Variants in NDUFAF7 observed in about 807,000 individuals in gnomAD.
NDUFAF7 encodes NADH:ubiquinone oxidoreductase complex assembly factor 7.
A neutral mutation model predicts 47.2 loss-of-function variants in NDUFAF7; 48 were observed. The observed-to-expected ratio is 1.02, with a 90% CI of 0.81 to 1.29. The LOEUF is 1.29. Among genes scored for constraint, NDUFAF7 ranks in the 50% most tolerant of loss-of-function variants. The pLI is 0.00. For missense variants in NDUFAF7, 635 were observed against 537.6 expected, an observed-to-expected ratio of 1.18 and a Z score of -1.79; for synonymous variants, 217 against 190.0, an observed-to-expected ratio of 1.14 and a Z score of -1.17.
the NDUFAF7 span, chr2:37,269,781 T>C: frequency 1.2e-6 from 1 of 863,144 alleles, no homozygotes; most frequent in Non-Finnish European, 1.8e-6. Flanking sequence ...CAATACATTT[T>C]TATGTTAGAA....
rs1382401889 is a variant in NDUFAF7, at chr2:37,237,639, T to C, written c.298-118T>C. The C allele has an allele frequency of 2.1e-5, 15 of 726,482 alleles. No individual in the cohort carries two copies. In the East Asian group the frequency reaches 3.8e-4, roughly 18 times the overall value. 45.0% of individuals were successfully genotyped at this position (726,482 alleles called of 1,614,324 possible). A position where few individuals can be genotyped will look rare whatever the true frequency, so the allele number is the denominator to read the frequency against. The stretch of plus-strand genomic sequence containing the variant: ...ACGTATGTATTGAACAACATACATA[T>C]GGCTGTACACATTTTGCTTTTTGGC... On this transcript the variant is annotated intron_variant, in intron 3 of 9. Coordinates refer to ENST00000002125, the MANE Select transcript of NDUFAF7 (RefSeq NM_144736.5).
chr2:37,256,468 T>C (rs930762002), downstream of NDUFAF7, among the ~76,000 whole-genome samples: 2 of 152,088 alleles, frequency 1.3e-5, no homozygotes, highest in South Asian at 2.1e-4. Flanking sequence ...CTGGGAACTA[T>C]ACAGAAGACA....
At chr2:37,237,580 G>A (rs1665927132) in intron 3 of NDUFAF7, among the ~76,000 whole-genome samples, 177 bp from the exon 4 acceptor site, 1 of 152,142 alleles carries the variant, frequency 6.6e-6, no homozygotes. Flanking sequence ...TGTATGTTAT[G>A]ATGTAGTCCC....
chr2:37,258,877 A>G, the NDUFAF7 span, among the ~76,000 whole-genome samples: 754 of 152,330 alleles, frequency 4.9e-3, 8 homozygotes, highest in African/African-American at 0.017. Context: ...TATATAAACA[A>G]TAGTTTGGCA....
intron 9 of NDUFAF7, 58 bp from the exon 10 acceptor site, chr2:37,248,077 C>A: frequency 7.5e-7 from 1 of 1,338,192 alleles, no homozygotes; most frequent in Non-Finnish European, 1.1e-6. Context: ...AGTATTGCTG[C>A]ATGTAACTAG....
At chr2:37,254,685 T>TATTA (rs544810806), downstream of NDUFAF7, among the ~76,000 whole-genome samples, 210 of 152,282 alleles carry the variant, frequency 1.4e-3, no homozygotes, top group African/African-American at 4.9e-3. Context: ...AAGTGCTAAG[T>TATTA]ATTAACTATT....
At chr2:37,233,873 T>C (rs961603620) in intron 2 of NDUFAF7, among the ~76,000 whole-genome samples, 1 of 152,144 alleles carries the variant, frequency 6.6e-6, no homozygotes, top group Admixed American at 6.5e-5. Flanking sequence ...TATACCTTTA[T>C]TTTCACTAAC....
In NDUFAF7 at chr2:37,236,162, C is replaced by T; in HGVS notation, c.283C>T (p.Gln95Ter). 6.2e-7 allele frequency: 1 copy of T among 1,609,976 alleles called. No individual in the cohort carries two copies. The highest frequency in any genetic ancestry group is 1.1e-5 in the South Asian group (1 of 90,974). ...TTTCATTACTTCACCTGAAATAAGT[C>T]AAATCTTTGGGGAGGTAATATACTA... ...GDFITSPEIS[Q>*]IFGELLGIWF... The change falls in exon 3 of 10, where the codon CAA becomes TAA. Residue 95 changes from glutamine (Q) to a stop codon, truncating the protein, a stop_gained. Coordinates refer to ENST00000002125, the MANE Select transcript of NDUFAF7 (RefSeq NM_144736.5). LOFTEE classifies it high-confidence loss of function.
Position 37,232,217 on chromosome 2 carries a change from C to G in NDUFAF7, c.167C>G (p.Pro56Arg). Residue 56 changes from proline (P) to arginine (R), a missense_variant, in exon 2 of 10, where the codon CCC becomes CGC. Physicochemically the swap from Pro to Arg is moderately radical, Grantham distance 103. Coordinates refer to ENST00000002125, the MANE Select transcript of NDUFAF7 (RefSeq NM_144736.5). ...HLMYKIKSTG[P>R]ITVAEYMKEV... The stretch of plus-strand genomic sequence containing the variant: ...ATGTACAAAATAAAGTCTACTGGTC[C>G]CATCACTGTGGCCGAGTACATGAAG... 1 of 1,613,864 alleles carries G rather than the reference C, an allele frequency of 6.2e-7. No homozygotes were observed. Among genetic ancestry groups the G allele is most frequent in the Non-Finnish European group, 8.5e-7 (1 of 1,180,042 alleles).
At chr2:37,236,225 G>A (rs369438822) in intron 3 of NDUFAF7, 49 bp downstream of exon 3, 5 of 1,419,046 alleles carry the variant, frequency 3.5e-6, no homozygotes, top group African/African-American at 2.8e-5. Flanking sequence ...ACATTTGAGA[G>A]CAGATCAAAT....
chr2:37,269,534 G>T, the NDUFAF7 span: 2 of 1,268,684 alleles, frequency 1.6e-6, no homozygotes, highest in South Asian at 2.4e-5. Flanking sequence ...ACTATGAGAT[G>T]ACAAAACAGC....
At chr2:37,231,861 G>C in intron 1 of NDUFAF7, 101 bp downstream of exon 1, 4 of 1,586,292 alleles carry the variant, frequency 2.5e-6, no homozygotes, top group Non-Finnish European at 3.4e-6. Context: ...GGGCTCGGGG[G>C]CTCACTTCCA....
At chr2:37,241,551 A>ATT in intron 4 of NDUFAF7, 27 bp from the exon 5 acceptor site, 1 of 1,537,340 alleles carries the variant, frequency 6.5e-7, no homozygotes, top group Non-Finnish European at 9.0e-7. Context: ...AACACATTGT[A>ATT]TTTTTTTTTC....
At chr2:37,247,353 C>T (rs1667038324) in intron 8 of NDUFAF7, 103 bp from the exon 9 acceptor site, 2 of 1,363,360 alleles carry the variant, frequency 1.5e-6, no homozygotes, top group African/African-American at 1.5e-5. Flanking sequence ...TCTATTCCGT[C>T]ACCTCAAGCA....
At chr2:37,253,068 T>C, downstream of NDUFAF7, 1 of 1,154,122 alleles carries the variant, frequency 8.7e-7, no homozygotes, top group Non-Finnish European at 1.2e-6. Context: ...GTTATCATAT[T>C]TCTTCATATC....
intron 5 of NDUFAF7, chr2:37,242,100 G>T: frequency 2.6e-6 from 1 of 392,080 alleles, no homozygotes; most frequent in Non-Finnish European, 4.6e-6. Flanking sequence ...AGGCAGCTGG[G>T]GCTGATGGAA....
downstream of NDUFAF7, chr2:37,254,122 T>TA: frequency 1.0e-6 from 1 of 980,408 alleles, no homozygotes; most frequent in Non-Finnish European, 1.6e-6. Context: ...CTGCTGATCT[T>TA]AGAGTGGTCT....
At chr2:37,267,087 TAAAG>T in the NDUFAF7 span, among the ~76,000 whole-genome samples, 1 of 152,200 alleles carries the variant, frequency 6.6e-6, no homozygotes, top group African/African-American at 2.4e-5. Flanking sequence ...TACATAATTT[TAAAG>T]CAATCTTTAC....
the NDUFAF7 span, chr2:37,259,609 G>C: frequency 6.2e-7 from 1 of 1,612,754 alleles, no homozygotes; most frequent in Non-Finnish European, 8.5e-7. Context: ...GCTGATGCAA[G>C]CAGCACATTT....
Sources: gnomAD v4.1 joint callset for allele counts (sites outside exome capture counted in the v4.1 genomes callset) on GRCh38, gnomAD v4.1.1 for gene constraint, MANE v1.5 for transcripts, NCBI Gene and HGNC (gene_info 2026-07-23, HGNC 2026-07-21) for gene names.